FKBP5: variants seen among roughly 807,000 people sequenced by gnomAD.
FKBP5 encodes the protein peptidyl-prolyl cis-trans isomerase FKBP5.
A neutral mutation model predicts 50.5 loss-of-function variants in FKBP5; 23 were observed. The ratio of observed to expected loss-of-function variants is 0.46; its 90% CI spans 0.33 to 0.65. FKBP5 has a LOEUF of 0.65. Ranked by LOEUF, FKBP5 falls within the 30% of genes least tolerant of loss-of-function variation. The probability of loss-of-function intolerance (pLI) is 0.02; values close to 1 mark genes in which losing one functional copy is unlikely to be tolerated. For synonymous variants in FKBP5, 176 were observed against 190.6 expected, an observed-to-expected ratio of 0.92 and a Z score of 0.63; for missense variants, 411 against 553.1, an observed-to-expected ratio of 0.74 and a Z score of 2.58.
intron 1 of FKBP5, among the ~76,000 whole-genome samples, chr6:35,677,549 C>T (rs572456309): frequency 3.3e-4 from 50 of 152,260 alleles, no homozygotes; most frequent in African/African-American, 1.1e-3. Context: ...TACTACAAAG[C>T]ACTTGCAGGT....
intron 1 of FKBP5, among the ~76,000 whole-genome samples, chr6:35,687,786 G>A (rs575862813): frequency 3.3e-5 from 5 of 152,210 alleles, no homozygotes; most frequent in African/African-American, 9.6e-5. Context: ...CACACTGAAG[G>A]GTATCTACAA....
intron 1 of FKBP5, among the ~76,000 whole-genome samples, chr6:35,647,301 G>T (rs1451785981): frequency 6.6e-6 from 1 of 152,120 alleles, no homozygotes; most frequent in Non-Finnish European, 1.5e-5. Context: ...CCTGAATACA[G>T]GATTATTCCC....
In FKBP5 at chr6:35,630,191, A is replaced by AGAGC. The variant is rs748336836; in HGVS notation, c.250+6822_250+6823insGCTC. Reference sequence around the variant, plus strand: ...AAGAAAGAGAGAGAGAGAGAGAGAGAGCGAGCGAACACAAGCGCCAGTGCT... The same window carrying AGAGC: ...AAGAAAGAGAGAGAGAGAGAGAGAGAGAGCGCGAGCGAACACAAGCGCCAGTGCT... On this transcript the variant is annotated intron_variant, in intron 3 of 10. Coordinates refer to ENST00000357266, the MANE Select transcript of FKBP5 (RefSeq NM_004117.4). Among the ~76,000 whole-genome samples, 1,094 of 151,758 alleles carry AGAGC rather than the reference A, an allele frequency of 7.2e-3. 11 individuals are homozygous for AGAGC. The highest frequency in any genetic ancestry group is 0.023 in the African/African-American group (943 of 41,322).
intron 1 of FKBP5, among the ~76,000 whole-genome samples, chr6:35,656,220 C>T (rs1167232074): frequency 6.6e-6 from 1 of 152,194 alleles, no homozygotes; most frequent in African/African-American, 2.4e-5. Context: ...TCTTAAATCC[C>T]CATCTTAAAT....
chr6:35,649,435 T>TG (rs1274812687), intron 1 of FKBP5, among the ~76,000 whole-genome samples: 2 of 150,336 alleles, frequency 1.3e-5, no homozygotes, highest in African/African-American at 4.9e-5. Flanking sequence ...GCTAAAAGGT[T>TG]TTTTTTTTTT....
chr6:35,705,258 A>ATTT (rs199875825), intron 2 of FKBP5, among the ~76,000 whole-genome samples: 5 of 7,766 alleles, frequency 6.4e-4, no homozygotes, highest in East Asian at 5.1e-3. Context: ...ATATATATAT[A>ATTT]TTTTTTTTTT....
chr6:35,615,155 T>TACACACACACACACACACACACAC (rs34301531), intron 5 of FKBP5, among the ~76,000 whole-genome samples: 1 of 143,444 alleles, frequency 7.0e-6, no homozygotes, highest in South Asian at 2.3e-4. Flanking sequence ...CAACAACAAC[T>TACACACACACACACACACACACAC]ACACACACAC....
intron 5 of FKBP5, among the ~76,000 whole-genome samples, chr6:35,615,140 A>AAC (rs1270924195): frequency 6.7e-5 from 8 of 120,034 alleles, no homozygotes; most frequent in Admixed American, 5.6e-4. Context: ...CAACAACAAC[A>AAC]ACAACAACAA....
chr6:35,590,464 G>A (rs917488028), intron 7 of FKBP5, among the ~76,000 whole-genome samples: 2 of 152,200 alleles, frequency 1.3e-5, no homozygotes, highest in African/African-American at 4.8e-5. Flanking sequence ...TATGCTGTGT[G>A]TGTCCAGGTC....
intron 8 of FKBP5, chr6:35,584,738 T>C: frequency 1.0e-6 from 1 of 985,472 alleles, no homozygotes; most frequent in Non-Finnish European, 1.2e-6. Context: ...TTTGAACCTT[T>C]CATTAATTTT....
intron 1 of FKBP5, chr6:35,651,815 TACTGTA>T (rs1165416324): frequency 3.6e-5 from 15 of 421,936 alleles, no homozygotes; most frequent in Non-Finnish European, 4.9e-5. Flanking sequence ...TTATTAAAAA[TACTGTA>T]TACTACACTG....
At chr6:35,707,612 T>C (rs1055976617) in intron 2 of FKBP5, among the ~76,000 whole-genome samples, 1 of 152,106 alleles carries the variant, frequency 6.6e-6, no homozygotes, top group Non-Finnish European at 1.5e-5. Flanking sequence ...GAACTCATGT[T>C]AAGGGAGTTT....
intron 2 of FKBP5, among the ~76,000 whole-genome samples, chr6:35,640,872 C>T (rs1764465550): frequency 6.6e-6 from 1 of 152,102 alleles, no homozygotes; most frequent in African/African-American, 2.4e-5. Context: ...CACATCTTGT[C>T]CCACTGGAAG....
chr6:35,582,138 CCTT>C (rs1762452035), intron 8 of FKBP5: 1 of 984,892 alleles, frequency 1.0e-6, no homozygotes, highest in South Asian at 4.7e-5. Flanking sequence ...CCTCGAACAT[CCTT>C]CTTCCCAAGT....
chr6:35,580,436 G>GC, intron 8 of FKBP5: 1 of 446,598 alleles, frequency 2.2e-6, no homozygotes, highest in Non-Finnish European at 4.0e-6. Flanking sequence ...ACTGCCTAGT[G>GC]CTGCTCTGCA....
intron 2 of FKBP5, among the ~76,000 whole-genome samples, chr6:35,712,275 C>G (rs1298013279): frequency 2.0e-5 from 3 of 151,910 alleles, no homozygotes; most frequent in African/African-American, 7.3e-5. Flanking sequence ...AGCCTGTCAC[C>G]TGGAATTTCT....
intron 8 of FKBP5, chr6:35,580,992 G>A: frequency 1.0e-6 from 1 of 985,184 alleles, no homozygotes; most frequent in Non-Finnish European, 1.2e-6. Context: ...ATTTGAACCA[G>A]TCTCTGTTGC....
chr6:35,703,579 G>T (rs1184341689), intron 2 of FKBP5, among the ~76,000 whole-genome samples: 1 of 152,074 alleles, frequency 6.6e-6, no homozygotes, highest in Admixed American at 6.6e-5. Flanking sequence ...AATATTTAAA[G>T]ATATTTGTCT....
chr6:35,594,551 G>A (rs1391570302), intron 6 of FKBP5, among the ~76,000 whole-genome samples: 2 of 152,134 alleles, frequency 1.3e-5, no homozygotes, highest in African/African-American at 2.4e-5. Flanking sequence ...AATAAAACAA[G>A]TAAATTCACT....
Sources: allele counts gnomAD v4.1 joint callset (sites outside exome capture counted in the v4.1 genomes callset), GRCh38; gene constraint gnomAD v4.1.1; transcripts MANE v1.5; gene names NCBI Gene and HGNC (gene_info 2026-07-23, HGNC 2026-07-21).